MS4A7: variants seen among roughly 807,000 people sequenced by gnomAD.
The protein encoded by MS4A7 is membrane-spanning 4-domains subfamily A member 7.
A neutral mutation model predicts 23.5 loss-of-function variants in MS4A7; 21 were observed. That is an observed-to-expected ratio of 0.89 (90% CI 0.63 to 1.29). MS4A7 has a LOEUF of 1.29. Ranked by LOEUF, MS4A7 falls within the 50% of genes most tolerant of loss-of-function variation. MS4A7 has a pLI of 0.00. For missense variants in MS4A7, 263 were observed against 274.2 expected (o/e 0.96, Z 0.29); for synonymous variants, 111 against 107.4 (o/e 1.03, Z -0.21).
At chr11:60,386,556 G>T in intron 3 of MS4A7, 161 bp from the exon 4 acceptor site, 1 of 556,104 alleles carries the variant, frequency 1.8e-6, no homozygotes. Context: ...TATATCAGGT[G>T]GGAATTAGGC....
In MS4A7 at chr11:60,383,137, G is replaced by A; in HGVS notation, c.-5G>A. On this transcript the variant is annotated 5_prime_UTR_variant, in exon 2 of 7. Coordinates refer to ENST00000300184, the MANE Select transcript of MS4A7 (RefSeq NM_021201.5). ...TTTGATGCCTCTTCCAGCATCATCA[G>A]CATCATGCTATTACAATCCCAAACC... 6.2e-7 allele frequency: 1 copy of A among 1,612,452 alleles called. No homozygotes were observed. The highest frequency in any genetic ancestry group is 1.1e-5 in the South Asian group (1 of 90,728).
At chr11:60,388,654 G>C (rs2085516116) in intron 4 of MS4A7, among the ~76,000 whole-genome samples, 1 of 152,168 alleles carries the variant, frequency 6.6e-6, no homozygotes, top group Admixed American at 6.5e-5. Context: ...GCTACGGAGA[G>C]AAGCAAAGGC....
rs1326492620 is a variant in MS4A7, at chr11:60,393,848, G to A, written c.710G>A (p.Arg237Gln). ...CAACAGGTCAAAAAGAGTTCTTCAC[G>A]GTCTTGGATATAAGTAACTCTTGGC... Reference protein sequence around the residue: ...HIQQVKKSSSRSWI With the variant: ...HIQQVKKSSSQSWI Residue 237 changes from arginine to glutamine, a missense_variant, in exon 7 of 7, where the codon CGG becomes CAG. Physicochemically the swap from Arg to Gln is conservative, Grantham distance 43 (BLOSUM62 1). Coordinates refer to ENST00000300184, the MANE Select transcript of MS4A7 (RefSeq NM_021201.5). 21 of 1,609,198 alleles carry A rather than the reference G, an allele frequency of 1.3e-5. No homozygotes were observed. The highest frequency in any genetic ancestry group is 1.6e-5 in the Non-Finnish European group (19 of 1,178,042).
chr11:60,393,965 T>TA lies in MS4A7; in HGVS notation c.*116dup, dbSNP rs776208258. ...CCATTTTAGATACTGTGAAACAAACTAAAAAAAAAAAAGCTTTTGTTTTGT... is the reference window on the plus strand; with the variant it reads ...CCATTTTAGATACTGTGAAACAAACTAAAAAAAAAAAAAGCTTTTGTTTTGT... On this transcript the variant is annotated 3_prime_UTR_variant, in exon 7 of 7. Coordinates refer to ENST00000300184, the MANE Select transcript of MS4A7 (RefSeq NM_021201.5). 11,334 of 463,016 alleles carry TA rather than the reference T, an allele frequency of 0.024. 81 individuals are homozygous for TA. The highest frequency in any genetic ancestry group is 0.061 in the African/African-American group (2,819 of 46,288). The allele number at this position is 463,016 out of a possible 1,614,324, so 28.7% of individuals were successfully genotyped here.
chr11:60,385,537 G>T (rs1294834141), intron 3 of MS4A7, among the ~76,000 whole-genome samples: 1 of 152,212 alleles, frequency 6.6e-6, no homozygotes, highest in Non-Finnish European at 1.5e-5. Context: ...TTGAGGCTTT[G>T]ATGAGGCCAT....
At chr11:60,392,611 C>A in intron 5 of MS4A7, 74 bp from the exon 6 acceptor site, 2 of 1,096,134 alleles carry the variant, frequency 1.8e-6, no homozygotes, top group Non-Finnish European at 2.8e-6. Flanking sequence ...GGAGCCTCAT[C>A]GCCCTGTCTC....
chr11:60,379,323 AC>A (rs1306301495), intron 1 of MS4A7, among the ~76,000 whole-genome samples: 2 of 152,256 alleles, frequency 1.3e-5, no homozygotes, highest in Non-Finnish European at 1.5e-5. Context: ...AGGAGGTATC[AC>A]AAAAGTGCAA....
intron 6 of MS4A7, among the ~76,000 whole-genome samples, chr11:60,393,321 A>G (rs770447383): frequency 3.3e-5 from 5 of 152,128 alleles, no homozygotes; most frequent in Non-Finnish European, 7.4e-5. Context: ...AATGACACAG[A>G]CTATTGGGCT....
chr11:60,388,755 G>A (rs2085517170), intron 4 of MS4A7, among the ~76,000 whole-genome samples: 1 of 152,230 alleles, frequency 6.6e-6, no homozygotes, highest in Non-Finnish European at 1.5e-5. Flanking sequence ...TGGGTGGAGA[G>A]AGAAGCACAG....
chr11:60,386,756 C>A lies in MS4A7; in HGVS notation c.322C>A (p.Gln108Lys), dbSNP rs992660642. 6.2e-7 allele frequency: 1 copy of A among 1,612,814 alleles called. No individual in the cohort carries two copies. Among genetic ancestry groups the A allele is most frequent in the Non-Finnish European group, 8.5e-7 (1 of 1,178,924 alleles). Residue 108 changes from glutamine (Q) to lysine (K), a missense_variant, in exon 4 of 7, where the codon CAA (glutamine) becomes AAA (lysine). Transcript: ENST00000300184. ...TGSLSIISGKQSTKPFDLSSL... is the reference protein window; with the variant it reads ...TGSLSIISGKKSTKPFDLSSL... ...ATCCCTCTCAATTATCTCTGGAAAA[C>A]AATCAACTAAGCCCTTTGTAAGTAT...
At chr11:60,391,400 T>C (rs2085548560) in intron 5 of MS4A7, among the ~76,000 whole-genome samples, 1 of 152,128 alleles carries the variant, frequency 6.6e-6, no homozygotes, top group African/African-American at 2.4e-5. Context: ...ACCCAACTTA[T>C]AAGATGCCTC....
intron 1 of MS4A7, among the ~76,000 whole-genome samples, chr11:60,379,851 G>A (rs1042764801): frequency 8.4e-4 from 127 of 152,092 alleles, no homozygotes; most frequent in African/African-American, 2.9e-4. Flanking sequence ...ATTTTTAGGT[G>A]TACAGTTCAG....
At chr11:60,389,711 C>T (rs1590796548) in intron 5 of MS4A7, 115 bp downstream of exon 5, 2 of 916,844 alleles carry the variant, frequency 2.2e-6, no homozygotes, top group East Asian at 2.5e-5. Context: ...TGGAGACAGA[C>T]AGAAATAAAC....
intron 1 of MS4A7, among the ~76,000 whole-genome samples, chr11:60,381,938 T>C (rs2085434308): frequency 6.6e-6 from 1 of 152,168 alleles, no homozygotes; most frequent in Non-Finnish European, 1.5e-5. Flanking sequence ...CTAGGTGTCA[T>C]TTCCAATTTT....
At chr11:60,392,830 TC>T in intron 6 of MS4A7, 44 bp downstream of exon 6, 1 of 1,381,048 alleles carries the variant, frequency 7.2e-7, no homozygotes. Context: ...GTGTCTCAGG[TC>T]CAGGCTACAA....
At chr11:60,382,157 G>T (rs2085437035) in intron 1 of MS4A7, among the ~76,000 whole-genome samples, 1 of 152,204 alleles carries the variant, frequency 6.6e-6, no homozygotes, top group South Asian at 2.1e-4. Flanking sequence ...CACCACAGAG[G>T]CCCAGCAATG....
intron 3 of MS4A7, 146 bp downstream of exon 3, chr11:60,385,368 T>C: frequency 1.2e-6 from 1 of 841,400 alleles, no homozygotes; most frequent in Non-Finnish European, 1.9e-6. Context: ...CCACGTCACA[T>C]TTCCCCTATT....
intron 4 of MS4A7, among the ~76,000 whole-genome samples, chr11:60,388,774 C>T (rs773353635): frequency 2.6e-5 from 4 of 152,172 alleles, no homozygotes; most frequent in Admixed American, 2.0e-4. Context: ...AGGGTCTAAG[C>T]CCATGTGCCT....
rs148304426 is a variant in MS4A7 at position 60,391,285 on chromosome 11, A to G, written c.547-1400A>G. Among the ~76,000 whole-genome samples, 69 of 152,262 alleles carry G rather than the reference A, an allele frequency of 4.5e-4. 1 individual carries two copies. Among genetic ancestry groups the G allele is most frequent in the African/African-American group, 1.5e-3 (64 of 41,556 alleles). ...TCATAATTACATATAAAATAGGGGG[A>G]CCTCAAATAAAAGCATTAAGTTAAA... On this transcript the variant is annotated intron_variant, in intron 5 of 6. Transcript: ENST00000300184.
Sources: gnomAD v4.1 joint callset for allele counts (sites outside exome capture counted in the v4.1 genomes callset) on GRCh38, gnomAD v4.1.1 for gene constraint, MANE v1.5 for transcripts, NCBI Gene and HGNC (gene_info 2026-07-23, HGNC 2026-07-21) for gene names.